Variants in ZSCAN25 observed in about 807,000 individuals in gnomAD.
The protein encoded by ZSCAN25 is zinc finger and SCAN domain-containing protein 25.
In ZSCAN25, 27 loss-of-function variants were observed where a neutral mutation model predicts 38.7. The ratio of observed to expected loss-of-function variants is 0.70; its 90% CI spans 0.51 to 0.96. The LOEUF (loss-of-function observed/expected upper bound fraction) is 0.96. Among genes scored for constraint, ZSCAN25 ranks in the 40% least tolerant of loss-of-function variants. The pLI is 0.00. For missense variants in ZSCAN25, 637 were observed against 705.9 expected (o/e 0.90, Z 1.11); for synonymous variants, 273 against 277.7 (o/e 0.98, Z 0.17).
At chr7:99,668,940 CT>C in the ZSCAN25 span, among the ~76,000 whole-genome samples, 2 of 152,116 alleles carry the variant, frequency 1.3e-5, no homozygotes, top group Non-Finnish European at 2.9e-5. Flanking sequence ...TTCAACCTAC[CT>C]TTGTAGATGA....
the ZSCAN25 span, chr7:99,717,514 T>C: frequency 1.2e-6 from 2 of 1,613,490 alleles, no homozygotes; most frequent in Non-Finnish European, 1.7e-6. Flanking sequence ...AAAACCCAAG[T>C]TATTTTCATA....
the ZSCAN25 span, chr7:99,715,622 T>C: frequency 6.9e-7 from 1 of 1,455,732 alleles, no homozygotes; most frequent in Non-Finnish European, 9.5e-7. Flanking sequence ...ATGGTGATGG[T>C]CGTACATATC....
chr7:99,617,510 G>A (rs1440988787), intron 1 of ZSCAN25, among the ~76,000 whole-genome samples: 1 of 152,174 alleles, frequency 6.6e-6, no homozygotes, highest in Non-Finnish European at 1.5e-5. Context: ...GAGCCCAGGA[G>A]TTCAAGGTTG....
At chr7:99,653,894 T>G in the ZSCAN25 span, among the ~76,000 whole-genome samples, 1 of 152,166 alleles carries the variant, frequency 6.6e-6, no homozygotes, top group Admixed American at 6.5e-5. This position sits in a 1 kb window ranked among gnomAD's most constrained non-coding sequence, Gnocchi z 4.2. Flanking sequence ...CTTGGCTTCT[T>G]GGCCAGTGGC....
chr7:99,672,042 T>TG, the ZSCAN25 span, among the ~76,000 whole-genome samples: 1 of 151,728 alleles, frequency 6.6e-6, no homozygotes. Flanking sequence ...TTTGCCGGTT[T>TG]TTGTTGTTGT....
the ZSCAN25 span, among the ~76,000 whole-genome samples, chr7:99,737,894 A>G: frequency 6.6e-6 from 1 of 152,232 alleles, no homozygotes; most frequent in Non-Finnish European, 1.5e-5. Flanking sequence ...AGAAAGTAAC[A>G]TCTTCTAACA....
the ZSCAN25 span, among the ~76,000 whole-genome samples, chr7:99,723,108 G>T: frequency 6.6e-6 from 1 of 152,094 alleles, no homozygotes; most frequent in Admixed American, 6.6e-5. Context: ...GTGTATCTTG[G>T]GGGTACATCT....
the ZSCAN25 span, among the ~76,000 whole-genome samples, chr7:99,716,980 A>G: frequency 6.6e-6 from 1 of 152,200 alleles, no homozygotes; most frequent in South Asian, 2.1e-4. Flanking sequence ...TGCACAGGGG[A>G]GAAGATCCTT....
At chr7:99,653,804 T>C in the ZSCAN25 span, among the ~76,000 whole-genome samples, 1 of 152,234 alleles carries the variant, frequency 6.6e-6, no homozygotes, top group African/African-American at 2.4e-5. The surrounding 1 kb of genome is among the most constrained non-coding windows in gnomAD (Gnocchi z 4.2). Flanking sequence ...GATATGTACC[T>C]AGCACTTGGT....
chr7:99,625,519 C>A (rs1284864228), intron 7 of ZSCAN25, among the ~76,000 whole-genome samples: 1 of 152,164 alleles, frequency 6.6e-6, no homozygotes. Flanking sequence ...GCACGGTTGA[C>A]ACAGTGTGGC....
the ZSCAN25 span, chr7:99,710,936 A>C: frequency 1.2e-6 from 2 of 1,612,920 alleles, no homozygotes. Flanking sequence ...AGGTCAATGT[A>C]GGGCATCACA....
At chr7:99,672,703 T>C in the ZSCAN25 span, 10 of 1,613,206 alleles carry the variant, frequency 6.2e-6, no homozygotes, top group Non-Finnish European at 7.6e-6. Context: ...ACGGAGCTGA[T>C]TAAACTTCAC....
chr7:99,631,893 T>C lies in ZSCAN25; in HGVS notation c.*1873T>C, dbSNP rs773124840. On this transcript the variant is annotated 3_prime_UTR_variant, in exon 8 of 8. Transcript: ENST00000394152. Reference sequence around the variant, plus strand: ...ACTGAGGTCCACATGCAAAATCAGCTTTTTTTCCCCCGTAATTATCAGAGC... The same window carrying C: ...ACTGAGGTCCACATGCAAAATCAGCCTTTTTTCCCCCGTAATTATCAGAGC... 1.1e-5 allele frequency: 11 copies of C among 985,310 alleles called. No individual in the cohort carries two copies. The highest frequency in any genetic ancestry group is 1.3e-5 in the Non-Finnish European group (11 of 829,984). 61.0% of individuals were successfully genotyped at this position (985,310 alleles called of 1,614,324 possible).
At chr7:99,710,790 G>A in the ZSCAN25 span, 2 of 1,613,782 alleles carry the variant, frequency 1.2e-6, no homozygotes, top group African/African-American at 2.7e-5. Flanking sequence ...ATCAGGGTGA[G>A]TGGCCAGTTC....
the ZSCAN25 span, among the ~76,000 whole-genome samples, chr7:99,651,002 A>G: frequency 1.3e-5 from 2 of 152,134 alleles, no homozygotes; most frequent in Admixed American, 6.5e-5. Flanking sequence ...ATTCAAAGAA[A>G]GTAATAATGG....
At chr7:99,726,457 C>T in the ZSCAN25 span, among the ~76,000 whole-genome samples, 6 of 152,200 alleles carry the variant, frequency 3.9e-5, no homozygotes, top group Non-Finnish European at 5.9e-5. Context: ...GTGCCCAACC[C>T]GTACACTCTT....
At position 99,630,423 on chromosome 7, in the gene ZSCAN25, C is replaced by A. The variant is rs1473810097; in HGVS notation, c.*403C>A. The A allele has an allele frequency of 3.8e-5, 39 of 1,014,496 alleles. No homozygotes were observed. The highest frequency in any genetic ancestry group is 4.6e-5 in the Non-Finnish European group (39 of 849,194). 62.8% of individuals were successfully genotyped at this position (1,014,496 alleles called of 1,614,324 possible). On this transcript the variant is annotated 3_prime_UTR_variant, in exon 8 of 8. Coordinates refer to ENST00000394152, the MANE Select transcript of ZSCAN25 (RefSeq NM_145115.3). The stretch of plus-strand genomic sequence containing the variant: ...GTCATAGCTCAGACTCTTCCCCCAC[C>A]CCCTCTCTTTTCCATTGAACAAACA...
At chr7:99,693,634 A>G in the ZSCAN25 span, among the ~76,000 whole-genome samples, 3 of 152,198 alleles carry the variant, frequency 2.0e-5, no homozygotes, top group African/African-American at 4.8e-5. Flanking sequence ...CCCCTCCTCT[A>G]TCAAGCTGCA....
chr7:99,713,627 A>C, the ZSCAN25 span: 1,418 of 1,570,788 alleles, frequency 9.0e-4, 8 homozygotes, highest in African/African-American at 0.017. Context: ...CCTTCTGAGA[A>C]TATAGCCCCT....
Sources: gnomAD v4.1 joint callset for allele counts (sites outside exome capture counted in the v4.1 genomes callset) on GRCh38, gnomAD v4.1.1 for gene constraint, Gnocchi (gnomAD v3.1) non-coding constraint, MANE v1.5 for transcripts, NCBI Gene and HGNC (gene_info 2026-07-23, HGNC 2026-07-21) for gene names.